Variants in POR observed in about 807,000 individuals in gnomAD.
POR encodes NADPH--cytochrome P450 reductase.
POR carries 56 observed loss-of-function variants against 84.0 expected under a neutral mutation model. That is an observed-to-expected ratio of 0.67 (90% CI 0.54 to 0.83). POR has a LOEUF of 0.83. POR is among the 40% of genes least tolerant of loss of function. The probability of loss-of-function intolerance (pLI) is 0.00; values close to 1 mark genes in which losing one functional copy is unlikely to be tolerated. For missense variants in POR, 938 were observed against 944.3 expected (o/e 0.99, Z 0.09); for synonymous variants, 414 against 400.5 (o/e 1.03, Z -0.40).
intron 2 of POR, among the ~76,000 whole-genome samples, chr7:75,958,706 A>G (rs1252360360): frequency 1.3e-5 from 2 of 151,842 alleles, no homozygotes; most frequent in South Asian, 2.1e-4. Context: ...TAGGCCTGGC[A>G]TGGTGGCTCA....
Position 75,972,348 on chromosome 7 carries a change from G to A in POR, c.189-65G>A, listed in dbSNP as rs72553990. 1.3e-4 allele frequency: 181 copies of A among 1,439,898 alleles called. 1 individual carries two copies. The Admixed American group carries it at 2.7e-3, about 21-fold the overall frequency. The allele number at this position is 1,439,898 out of a possible 1,614,324, so 89.2% of individuals were successfully genotyped here. A position where few individuals can be genotyped will look rare whatever the true frequency, so the allele number is the denominator to read the frequency against. ...GAAACCTGCATCTAAGGACACCCAC[G>A]TCCCGTGACACCTGTGTCCCATGAC... On this transcript the variant is annotated intron_variant, in intron 2 of 15. Coordinates refer to ENST00000461988, the MANE Select transcript of POR (RefSeq NM_000941.3).
chr7:75,982,309 G>A lies in POR; in HGVS notation c.817G>A (p.Glu273Lys), dbSNP rs781968173. 38 of 1,611,592 alleles carry A rather than the reference G, an allele frequency of 2.4e-5. No homozygotes were observed. The highest frequency in any genetic ancestry group is 1.2e-4 in the African/African-American group (9 of 74,906). Residue 273 changes from glutamate to lysine, a missense_variant, in exon 8 of 16, where the codon GAG (glutamate) becomes AAG (lysine). Physicochemically the swap from Glu to Lys is moderately conservative, Grantham distance 56 (BLOSUM62 1). Transcript: ENST00000461988. ...GGAGATGGGCCGGCTGAAGAGCTAC[G>A]AGAACCAGAAGCCGTGAGTGGAGGG... is the stretch of plus-strand genomic sequence containing the variant.
At chr7:75,918,624 A>G (rs1446534599) in intron 1 of POR, 1 of 152,126 alleles carries the variant, frequency 6.6e-6, no homozygotes, top group Admixed American at 6.6e-5. Context: ...GCCTTAGGAT[A>G]TGTGTAGGCT....
rs71519397 is a variant in POR at position 75,920,056 on chromosome 7, CTTTTTTTTT to C, written c.-5+4896_-5+4904del. On this transcript the variant is annotated intron_variant, in intron 1 of 15. Transcript: ENST00000461988. The stretch of plus-strand genomic sequence containing the variant: ...GGACTGTTCTCCAAGAGTTGAATTT[CTTTTTTTTT>C]TTTTTTTTTTTTTTTTTTGAGACAG... Among the ~76,000 whole-genome samples the C allele has an allele frequency of 1.8e-4, 14 of 76,510 alleles. 1 individual carries two copies. The highest frequency in any genetic ancestry group is 9.0e-4 in the South Asian group (2 of 2,220). 50.2% of individuals were successfully genotyped at this position (76,510 alleles called of 152,430 possible).
intron 3 of POR, among the ~76,000 whole-genome samples, chr7:75,974,398 T>G (rs1372050683): frequency 7.2e-5 from 11 of 152,098 alleles, no homozygotes; most frequent in Admixed American, 7.2e-4. Flanking sequence ...GTTTAGATTT[T>G]TGTCAGTTTT....
At chr7:75,928,851 A>G (rs1807278618) in intron 1 of POR, among the ~76,000 whole-genome samples, 1 of 151,710 alleles carries the variant, frequency 6.6e-6, no homozygotes, top group Non-Finnish European at 1.5e-5. Context: ...CAACTCAAGC[A>G]CATCTCCACA....
At chr7:75,935,742 A>G (rs1224677622) in intron 1 of POR, among the ~76,000 whole-genome samples, 1 of 151,430 alleles carries the variant, frequency 6.6e-6, no homozygotes, top group Non-Finnish European at 1.5e-5. Flanking sequence ...ATCATCACCA[A>G]TCAGCCAGCT....
At chr7:75,948,642 A>G (rs782083825) in intron 1 of POR, among the ~76,000 whole-genome samples, 1 of 152,226 alleles carries the variant, frequency 6.6e-6, no homozygotes, top group African/African-American at 2.4e-5. Flanking sequence ...CATAGTCTGT[A>G]TGCCAAGCAC....
chr7:75,977,052 C>T (rs923141594), intron 3 of POR, among the ~76,000 whole-genome samples: 1 of 152,102 alleles, frequency 6.6e-6, no homozygotes, highest in African/African-American at 2.4e-5. Flanking sequence ...AGGGTTTTGC[C>T]ATGTTGCCCA....
chr7:75,951,007 C>A (rs1203137514), intron 1 of POR, among the ~76,000 whole-genome samples: 1 of 145,680 alleles, frequency 6.9e-6, no homozygotes, highest in Non-Finnish European at 1.5e-5. Context: ...TGCAGTGAGC[C>A]GAGATCGCAC....
intron 1 of POR, among the ~76,000 whole-genome samples, chr7:75,940,700 C>T (rs1014575225): frequency 1.3e-5 from 2 of 151,824 alleles, no homozygotes; most frequent in Admixed American, 6.6e-5. Context: ...AGGAGAATGG[C>T]GTGAACCCAG....
Position 75,980,688 on chromosome 7 carries a change from C to T in POR, c.516+200C>T, listed in dbSNP as rs72555507. On this transcript the variant is annotated intron_variant, in intron 5 of 15. Transcript: ENST00000461988. ...TCCCCTCCCTGTCCCCAGCCCCAGT[C>T]GGCTCCAGGGGGCATTGGGTGCTGG... is the stretch of plus-strand genomic sequence containing the variant. 4.2e-5 allele frequency: 64 copies of T among 1,531,590 alleles called. No individual in the cohort carries two copies. The African/African-American group carries it at 4.7e-4, about 11-fold the overall frequency. The allele number at this position is 1,531,590 out of a possible 1,614,324, so 94.9% of individuals were successfully genotyped here.
intron 1 of POR, among the ~76,000 whole-genome samples, chr7:75,945,959 G>A (rs112450865): frequency 7.9e-5 from 12 of 152,156 alleles, no homozygotes; most frequent in South Asian, 2.1e-4. Context: ...GTGTTCTTGC[G>A]TCATTCTCCC....
intron 3 of POR, among the ~76,000 whole-genome samples, chr7:75,976,202 T>C (rs1369885675): frequency 6.6e-6 from 1 of 152,204 alleles, no homozygotes; most frequent in Non-Finnish European, 1.5e-5. Flanking sequence ...CTGATAATCA[T>C]GAGCACTTTC....
intron 1 of POR, among the ~76,000 whole-genome samples, chr7:75,941,452 G>A (rs1378884045): frequency 6.6e-6 from 1 of 152,136 alleles, no homozygotes; most frequent in Non-Finnish European, 1.5e-5. Flanking sequence ...GTCCTGGGAG[G>A]TCAAGTAACC....
chr7:75,926,003 G>C lies in POR; in HGVS notation c.-5+10824G>C, dbSNP rs147365701. On this transcript the variant is annotated intron_variant, in intron 1 of 15. Transcript: ENST00000461988. ...TAGTACCTCCCACGTACAGTGTCCT[G>C]CTTTTTTTTCTTTCTCTTTTCTCTC... 4.1e-3 allele frequency among the ~76,000 whole-genome samples: 616 copies of C among 148,788 alleles called. 15 individuals carry two copies. The highest frequency in any genetic ancestry group is 0.032 in the Admixed American group (471 of 14,884).
At chr7:75,951,303 A>C (rs1290974587) in intron 1 of POR, among the ~76,000 whole-genome samples, 1 of 151,926 alleles carries the variant, frequency 6.6e-6, no homozygotes, top group Admixed American at 6.6e-5. Context: ...CTGAGGCAAG[A>C]GAATCGCTTG....
At chr7:75,953,675 C>T (rs1294813597) in intron 1 of POR, among the ~76,000 whole-genome samples, 1 of 152,206 alleles carries the variant, frequency 6.6e-6, no homozygotes, top group Non-Finnish European at 1.5e-5. Flanking sequence ...GATGTTCCAG[C>T]ACACTGAGAG....
At chr7:75,943,953 T>TAA in intron 1 of POR, 5 of 408,968 alleles carry the variant, frequency 1.2e-5, no homozygotes, top group East Asian at 6.5e-5. Context: ...ATTATCAACT[T>TAA]AAAAAAAAAA....
Sources: gnomAD v4.1 joint callset for allele counts (sites outside exome capture counted in the v4.1 genomes callset) on GRCh38, gnomAD v4.1.1 for gene constraint, MANE v1.5 for transcripts, NCBI Gene and HGNC (gene_info 2026-07-23, HGNC 2026-07-21) for gene names.